NF1: variants seen among roughly 807,000 people sequenced by gnomAD.
NF1 encodes neurofibromin.
A neutral mutation model predicts 325.7 loss-of-function variants in NF1; 122 were observed. The ratio of observed to expected loss-of-function variants is 0.37; its 90% confidence interval spans 0.32 to 0.44. The LOEUF (loss-of-function observed/expected upper bound fraction) is 0.44. NF1 is among the 20% of genes least tolerant of loss of function. The probability of loss-of-function intolerance (pLI) is 1.00; values close to 1 mark genes in which losing one functional copy is unlikely to be tolerated. For synonymous variants in NF1, 1,091 were observed against 1,186.0 expected (o/e 0.92, Z 1.65); for missense variants, 2,140 against 3,415.4 (o/e 0.63, Z 9.31).
At chr17:31,353,549 TG>T (rs1367804329) in intron 51 of NF1, among the ~76,000 whole-genome samples, 1 of 151,972 alleles carries the variant, frequency 6.6e-6, no homozygotes, top group African/African-American at 2.4e-5. Flanking sequence ...GCCCAGGAGG[TG>T]GGGGTAGCAG....
intron 1 of NF1, among the ~76,000 whole-genome samples, chr17:31,109,660 A>G (rs532414860): frequency 6.6e-6 from 1 of 152,330 alleles, no homozygotes; most frequent in South Asian, 2.1e-4. Context: ...CTAGGATTAC[A>G]GGCGTGAGCC....
intron 5 of NF1, among the ~76,000 whole-genome samples, chr17:31,175,236 G>A (rs1051060637): frequency 2.0e-5 from 3 of 150,886 alleles, no homozygotes; most frequent in Non-Finnish European, 4.4e-5. Flanking sequence ...TTTTCTACAT[G>A]CATAGGAAAA....
intron 1 of NF1, among the ~76,000 whole-genome samples, chr17:31,108,688 G>A (rs964617992): frequency 4.6e-5 from 7 of 151,994 alleles, no homozygotes; most frequent in African/African-American, 1.5e-4. Context: ...TTATTTTAAA[G>A]CAATCCTATA....
rs2151430905 is a variant in NF1 at position 31,229,991 on chromosome 17, A to G, written c.2990+17A>G. The G allele has an allele frequency of 6.2e-7, 1 of 1,611,568 alleles. No homozygotes were observed. Among genetic ancestry groups the G allele is most frequent in the Non-Finnish European group, 8.5e-7 (1 of 1,179,562 alleles). On this transcript the variant is annotated intron_variant, in intron 22 of 57. Transcript: ENST00000358273. ...TCTGGTCAGGTAAGCATTCTACTGA[A>G]ATGTAGCAGAAACATTTTAAGAGAT...
intron 1 of NF1, among the ~76,000 whole-genome samples, chr17:31,096,942 G>A (rs75338380): frequency 7.1e-6 from 1 of 141,612 alleles, no homozygotes. Flanking sequence ...AAAAGACTCT[G>A]TAATTTTAAG....
intron 31 of NF1, chr17:31,253,445 T>A (rs754817253): frequency 6.4e-6 from 1 of 156,840 alleles, no homozygotes; most frequent in South Asian, 1.8e-4. Flanking sequence ...TTTCTAAATC[T>A]TACCTAAAAG....
chr17:31,362,288 A>G (rs1472577193), intron 57 of NF1: 6 of 985,282 alleles, frequency 6.1e-6, no homozygotes, highest in Non-Finnish European at 7.2e-6. Context: ...TTTTTTACAG[A>G]TACTGCAGCC....
intron 36 of NF1, among the ~76,000 whole-genome samples, chr17:31,322,660 AAAATTAATT>A (rs1192547831): frequency 6.6e-6 from 1 of 152,038 alleles, no homozygotes; most frequent in East Asian, 1.9e-4. Context: ...CCATCTCTTA[AAAATTAATT>A]AAATTAATGA....
At chr17:31,116,457 C>A (rs754560971) in intron 1 of NF1, among the ~76,000 whole-genome samples, 1 of 151,916 alleles carries the variant, frequency 6.6e-6, no homozygotes, top group Non-Finnish European at 1.5e-5. Context: ...ATAAGAGTAT[C>A]TGCGTAATCT....
At chr17:31,216,285 G>A (rs965397855) in intron 13 of NF1, among the ~76,000 whole-genome samples, 4 of 152,096 alleles carry the variant, frequency 2.6e-5, no homozygotes, top group Admixed American at 1.3e-4. Flanking sequence ...AAGAATTTAA[G>A]CAAAACTTGC....
chr17:31,230,191 A>G (rs1239523653), intron 22 of NF1, 69 bp from the exon 23 acceptor site: 11 of 1,550,348 alleles, frequency 7.1e-6, no homozygotes, highest in South Asian at 1.1e-5. Flanking sequence ...CTTGATGACT[A>G]AAGTATTTAG....
intron 36 of NF1, among the ~76,000 whole-genome samples, chr17:31,278,722 C>G (rs2068062987): frequency 6.6e-6 from 1 of 151,312 alleles, no homozygotes; most frequent in Non-Finnish European, 1.5e-5. Context: ...TCAAGTGATT[C>G]TCCTGCCTCA....
At chr17:31,100,476 C>A (rs909283824) in intron 1 of NF1, among the ~76,000 whole-genome samples, 5 of 151,988 alleles carry the variant, frequency 3.3e-5, no homozygotes, top group African/African-American at 1.2e-4. Context: ...CTTATTCTTC[C>A]AATTTTAGTA....
chr17:31,331,628 G>A (rs755728051), intron 39 of NF1: 1 of 152,126 alleles, frequency 6.6e-6, no homozygotes, highest in Non-Finnish European at 1.5e-5. Context: ...TGATGAGGGA[G>A]AGATTAAATC....
chr17:31,194,203 G>A lies in NF1; in HGVS notation c.889-6219G>A, dbSNP rs1318137443. Among the ~76,000 whole-genome samples the A allele has an allele frequency of 2.6e-5, 4 of 152,124 alleles. No individual in the cohort carries two copies. In the East Asian group the frequency reaches 5.8e-4, roughly 22 times the overall value. ...TATATACACAATGGAATAGTATTCAGCCATAAAAAAGAATGAAATTCTGTA... is the reference window on the plus strand; with the variant it reads ...TATATACACAATGGAATAGTATTCAACCATAAAAAAGAATGAAATTCTGTA... On this transcript the variant is annotated intron_variant, in intron 8 of 57. Coordinates refer to ENST00000358273, the MANE Select transcript of NF1 (RefSeq NM_001042492.3).
chr17:31,322,182 T>C (rs1484235633), intron 36 of NF1, among the ~76,000 whole-genome samples: 1 of 151,474 alleles, frequency 6.6e-6, no homozygotes, highest in Non-Finnish European at 1.5e-5. Context: ...AAACAGACTT[T>C]AAGAACTAGG....
At chr17:31,171,816 A>G (rs903040111) in intron 5 of NF1, among the ~76,000 whole-genome samples, 14 of 152,176 alleles carry the variant, frequency 9.2e-5, no homozygotes. Flanking sequence ...TTGAGAAACT[A>G]TGTATAAGAA....
intron 37 of NF1, among the ~76,000 whole-genome samples, chr17:31,326,955 C>G (rs1214122079): frequency 1.3e-5 from 2 of 151,910 alleles, no homozygotes; most frequent in Admixed American, 1.3e-4. Context: ...GATATGGAGT[C>G]TCACTCTGTT....
chr17:31,106,400 C>G (rs138220113), intron 1 of NF1, among the ~76,000 whole-genome samples: 128 of 152,084 alleles, frequency 8.4e-4, no homozygotes, highest in African/African-American at 2.9e-3. Context: ...GTTATTATTT[C>G]TACTCTACAT....
Sources: allele counts gnomAD v4.1 joint callset (sites outside exome capture counted in the v4.1 genomes callset), GRCh38; gene constraint gnomAD v4.1.1; transcripts MANE v1.5; gene names NCBI Gene and HGNC (gene_info 2026-07-23, HGNC 2026-07-21).